Variants in KANK1 observed in about 807,000 individuals in gnomAD.
KANK1 encodes the protein KN motif and ankyrin repeat domain-containing protein 1.
KANK1 carries 109 observed loss-of-function variants against 106.2 expected under a neutral mutation model. The observed-to-expected ratio is 1.03, with a 90% CI of 0.88 to 1.20. The LOEUF (loss-of-function observed/expected upper bound fraction) is 1.20. Among genes scored for constraint, KANK1 ranks in the 50% most tolerant of loss-of-function variants. The pLI, the probability that KANK1 is intolerant of heterozygous loss-of-function variation, is 0.00. For synonymous variants in KANK1, 873 were observed against 652.2 expected (o/e 1.34, Z -5.16); for missense variants, 2,399 against 1,710.7 (o/e 1.40, Z -7.10).
chr9:594,126 G>C (rs905138087), intron 1 of KANK1, among the ~76,000 whole-genome samples: 5 of 151,828 alleles, frequency 3.3e-5, no homozygotes, highest in Non-Finnish European at 7.4e-5. Context: ...CACTTGTTGG[G>C]GGTTTTCACA....
chr9:629,486 G>C (rs1022665266), intron 1 of KANK1, among the ~76,000 whole-genome samples: 4 of 152,168 alleles, frequency 2.6e-5, no homozygotes, highest in African/African-American at 9.7e-5. Flanking sequence ...CATCTGCTCA[G>C]ATACATTATT....
At position 539,826 on chromosome 9, in the gene KANK1, TTTA is replaced by T. The variant is rs377243685; in HGVS notation, c.-84+35075_-84+35077del. Among the ~76,000 whole-genome samples, 504 of 152,322 alleles carry T rather than the reference TTTA, an allele frequency of 3.3e-3. 1 individual carries two copies. Among genetic ancestry groups the T allele is most frequent in the African/African-American group, 0.011 (474 of 41,570 alleles). The stretch of plus-strand genomic sequence containing the variant: ...TGCTATTGTAAATGAAATCATTTTC[TTTA>T]TTTTTTAGATAGTTCATTATTAGTA... On this transcript the variant is annotated intron_variant, in intron 1 of 11. Coordinates refer to ENST00000382297, the MANE Select transcript of KANK1 (RefSeq NM_015158.5).
At chr9:640,496 C>G (rs910136021) in intron 1 of KANK1, among the ~76,000 whole-genome samples, 2 of 151,810 alleles carry the variant, frequency 1.3e-5, no homozygotes, top group Non-Finnish European at 2.9e-5. Flanking sequence ...CTCCCAGGTT[C>G]AAGTGATTCT....
chr9:730,060 T>C lies in KANK1; in HGVS notation c.2708T>C (p.Leu903Ser). The C allele has an allele frequency of 6.2e-7, 1 of 1,614,030 alleles. No homozygotes were observed. The highest frequency in any genetic ancestry group is 8.5e-7 in the Non-Finnish European group (1 of 1,179,940). The change falls in exon 4 of 12, where the codon TTG becomes TCG. Residue 903 changes from leucine (L) to serine (S), a missense_variant. Transcript: ENST00000382297. The part of the protein sequence containing the change: ...TSLGKITGNY[L>S]GYTCKCGGLQ... ...TTCTTTTTCCTGATAGGCAATTATT[T>C]GGGATATACCTGTAAGTGTGGGGGC...
At chr9:616,191 T>C (rs528578927) in intron 1 of KANK1, among the ~76,000 whole-genome samples, 3 of 152,278 alleles carry the variant, frequency 2.0e-5, no homozygotes, top group Non-Finnish European at 4.4e-5. Context: ...CTGGCTTGGG[T>C]TACTAGACTT....
At chr9:552,013 A>T (rs1237255906) in intron 1 of KANK1, among the ~76,000 whole-genome samples, 1 of 152,130 alleles carries the variant, frequency 6.6e-6, no homozygotes. Context: ...CTATGATCGC[A>T]CCACTGTATT....
At position 712,350 on chromosome 9, in the gene KANK1, C is replaced by A. The variant is rs1321685584; in HGVS notation, c.1584C>A (p.Gly528=). ...TGCAGACCAGAGACCAAATGGTCGG[C>A]AGTCACATGGACCTGGTGGACACGT... is the stretch of plus-strand genomic sequence containing the variant. ...AVVQTRDQMV[G]SHMDLVDTCV... The change falls in exon 3 of 12, where the codon GGC becomes GGA. Residue 528 remains glycine, a synonymous_variant. Transcript: ENST00000382297. The A allele has an allele frequency of 1.2e-6, 2 of 1,614,206 alleles. No individual in the cohort carries two copies. The highest frequency in any genetic ancestry group is 2.2e-5 in the South Asian group (2 of 91,084).
At chr9:595,814 G>A (rs1826073322) in intron 1 of KANK1, among the ~76,000 whole-genome samples, 1 of 151,914 alleles carries the variant, frequency 6.6e-6, no homozygotes, top group Admixed American at 6.5e-5. Context: ...GAGCCACTGT[G>A]CCCAGCCTCA....
At chr9:598,849 C>G (rs1826973276) in intron 1 of KANK1, among the ~76,000 whole-genome samples, 1 of 149,340 alleles carries the variant, frequency 6.7e-6, no homozygotes, top group African/African-American at 2.5e-5. Context: ...CCAGACTGGT[C>G]TCGGACTCCT....
chr9:598,916 G>A (rs1164881270), intron 1 of KANK1, among the ~76,000 whole-genome samples: 3 of 149,686 alleles, frequency 2.0e-5, no homozygotes, highest in Non-Finnish European at 4.4e-5. Context: ...ACGGGCATGA[G>A]CCACCATGCC....
At chr9:728,387 G>A (rs35310071) in intron 3 of KANK1, among the ~76,000 whole-genome samples, 3 of 152,020 alleles carry the variant, frequency 2.0e-5, no homozygotes, top group East Asian at 1.9e-4. Flanking sequence ...TAGTAGAGAC[G>A]GGGTTTCACC....
upstream of KANK1, among the ~76,000 whole-genome samples, chr9:504,477 C>A (rs1364834903): frequency 6.6e-6 from 1 of 151,562 alleles, no homozygotes; most frequent in Non-Finnish European, 1.5e-5. Context: ...GGGAGCCGGG[C>A]GTCCTCTGGG....
intron 3 of KANK1, among the ~76,000 whole-genome samples, chr9:496,664 C>G (rs896957930): frequency 5.9e-5 from 9 of 152,308 alleles, no homozygotes; most frequent in African/African-American, 1.2e-4. Context: ...AAGCCAAAGT[C>G]TAATAGCATT....
chr9:722,335 C>G (rs138365142), intron 3 of KANK1, among the ~76,000 whole-genome samples: 1 of 152,154 alleles, frequency 6.6e-6, no homozygotes, highest in African/African-American at 2.4e-5. Context: ...CTCTCTGTCT[C>G]TCTGTCTGTC....
At chr9:701,185 C>G (rs542301882) in intron 2 of KANK1, among the ~76,000 whole-genome samples, 1 of 152,140 alleles carries the variant, frequency 6.6e-6, no homozygotes, top group Non-Finnish European at 1.5e-5. Context: ...ATGATCTTGG[C>G]TCACCACAAC....
At chr9:642,913 T>C (rs1167658443) in intron 1 of KANK1, among the ~76,000 whole-genome samples, 1 of 150,548 alleles carries the variant, frequency 6.6e-6, no homozygotes, top group African/African-American at 2.5e-5. Context: ...CAATGGTAAG[T>C]ATGCTTAGCG....
intron 1 of KANK1, among the ~76,000 whole-genome samples, chr9:568,524 CTG>C (rs1818377437): frequency 6.6e-6 from 1 of 152,152 alleles, no homozygotes. Flanking sequence ...GATCGTCACT[CTG>C]TTGCCCAGGT....
chr9:730,264 C>T lies in KANK1; in HGVS notation c.2896+16C>T, dbSNP rs756754726. 1.5e-5 allele frequency: 24 copies of T among 1,612,630 alleles called. No homozygotes were observed. In the East Asian group the frequency reaches 5.1e-4, roughly 34 times the overall value. On this transcript the variant is annotated intron_variant, in intron 4 of 11. Coordinates refer to ENST00000382297, the MANE Select transcript of KANK1 (RefSeq NM_015158.5). ...GGCCTCTATGGTAACTTTTCTCACTCACAGTCATTGGCATCAGGATTCTAG... is the reference window on the plus strand; with the variant it reads ...GGCCTCTATGGTAACTTTTCTCACTTACAGTCATTGGCATCAGGATTCTAG...
At chr9:522,325 C>T (rs550032627) in intron 1 of KANK1, among the ~76,000 whole-genome samples, 30 of 151,740 alleles carry the variant, frequency 2.0e-4, no homozygotes, top group South Asian at 1.2e-3. Flanking sequence ...ATACATATAT[C>T]GTGGTTCCTT....
Sources: allele counts gnomAD v4.1 joint callset (sites outside exome capture counted in the v4.1 genomes callset), GRCh38; gene constraint gnomAD v4.1.1; transcripts MANE v1.5; gene names NCBI Gene and HGNC (gene_info 2026-07-23, HGNC 2026-07-21).